The following DLGAP2 variants were observed in gnomAD, a reference collection of about 807,000 sequenced individuals.
DLGAP2 encodes the protein DLG associated protein 2.
DLGAP2 carries 26 observed loss-of-function variants against 100.3 expected under a neutral mutation model. The observed-to-expected ratio is 0.26, with a 90% CI of 0.19 to 0.36. The LOEUF (loss-of-function observed/expected upper bound fraction) is 0.36, where lower values mean the gene tolerates loss of function less well. Ranked by LOEUF, DLGAP2 falls within the 10% of genes least tolerant of loss-of-function variation. DLGAP2 has a pLI of 1.00. For synonymous variants in DLGAP2, 886 were observed against 630.1 expected (o/e 1.41, Z -6.08); for missense variants, 1,858 against 1,453.2 (o/e 1.28, Z -4.53).
chr8:1,279,425 G>A (rs558522932), intron 3 of DLGAP2, among the ~76,000 whole-genome samples: 39 of 152,318 alleles, frequency 2.6e-4, no homozygotes, highest in African/African-American at 7.7e-4. Flanking sequence ...ATGAAAGTTA[G>A]ATGTGTTCAA....
intron 2 of DLGAP2, among the ~76,000 whole-genome samples, chr8:1,127,906 T>C (rs2129048627): frequency 6.6e-6 from 1 of 152,352 alleles, no homozygotes; most frequent in South Asian, 2.1e-4. Context: ...CACTTTCCTA[T>C]TCCGGATCTT....
chr8:931,349 C>G (rs1470137315), intron 2 of DLGAP2, among the ~76,000 whole-genome samples: 1 of 152,238 alleles, frequency 6.6e-6, no homozygotes, highest in African/African-American at 2.4e-5. Flanking sequence ...AGGGGCGTTT[C>G]ACGCGAGGGT....
At position 1,235,562 on chromosome 8, in the gene DLGAP2, G is replaced by A. The variant is rs80115697; in HGVS notation, c.74-23289G>A. 9.2e-3 allele frequency among the ~76,000 whole-genome samples: 1,148 copies of A among 124,464 alleles called. 117 individuals carry two copies. The highest frequency in any genetic ancestry group is 0.038 in the South Asian group (135 of 3,580). The allele number at this position is 124,464 out of a possible 152,430, so 81.7% of individuals were successfully genotyped here. ...GTTCTCTCACATGGCGCCATGTCTAGTTCTCTCACATGGCACCATGTCTAG... is the reference window on the plus strand; with the variant it reads ...GTTCTCTCACATGGCGCCATGTCTAATTCTCTCACATGGCACCATGTCTAG... On this transcript the variant is annotated intron_variant, in intron 2 of 14. Coordinates refer to ENST00000637795, the MANE Select transcript of DLGAP2 (RefSeq NM_001346810.2).
At chr8:1,105,270 T>C (rs1804719225) in intron 2 of DLGAP2, among the ~76,000 whole-genome samples, 1 of 152,124 alleles carries the variant, frequency 6.6e-6, no homozygotes, top group Admixed American at 6.5e-5. Flanking sequence ...AAATGAAAAG[T>C]ATTCTGAAAG....
intron 2 of DLGAP2, among the ~76,000 whole-genome samples, chr8:1,153,788 A>G (rs1168779555): frequency 1.3e-5 from 2 of 152,164 alleles, no homozygotes; most frequent in African/African-American, 4.8e-5. Context: ...ACACAGCGTA[A>G]TGTTTTGCAG....
intron 3 of DLGAP2, among the ~76,000 whole-genome samples, chr8:1,303,406 A>T (rs1276396397): frequency 7.3e-5 from 2 of 27,378 alleles, no homozygotes. Context: ...CAAAAACAAA[A>T]AAAAAAAAAA....
intron 2 of DLGAP2, among the ~76,000 whole-genome samples, chr8:1,185,797 G>C (rs1463391838): frequency 2.0e-5 from 3 of 151,946 alleles, no homozygotes; most frequent in Admixed American, 6.6e-5. Flanking sequence ...ACCAAGGCTG[G>C]TGGAAGAACA....
intron 1 of DLGAP2, among the ~76,000 whole-genome samples, chr8:896,591 C>T (rs548874021): frequency 4.6e-5 from 7 of 152,094 alleles, no homozygotes; most frequent in Non-Finnish European, 1.0e-4. Flanking sequence ...GGGGCGATGA[C>T]GGCGAGGTGT....
At chr8:1,111,002 T>A (rs1404644159) in intron 2 of DLGAP2, among the ~76,000 whole-genome samples, 1 of 152,098 alleles carries the variant, frequency 6.6e-6, no homozygotes, top group East Asian at 1.9e-4. Flanking sequence ...CACGTGGGTT[T>A]GAGCAGCCTC....
intron 3 of DLGAP2, among the ~76,000 whole-genome samples, chr8:1,260,947 C>G (rs1007250297): frequency 9.2e-5 from 14 of 152,204 alleles, no homozygotes; most frequent in African/African-American, 3.4e-4. Context: ...AGGGTCACTT[C>G]CCCTGGGCAC....
intron 1 of DLGAP2, among the ~76,000 whole-genome samples, chr8:759,670 G>C (rs944875132): frequency 6.6e-6 from 1 of 152,170 alleles, no homozygotes; most frequent in African/African-American, 2.4e-5. Flanking sequence ...CCCCCAGGGC[G>C]GTTTCCCCAT....
intron 6 of DLGAP2, among the ~76,000 whole-genome samples, chr8:1,583,515 G>A (rs1038972076): frequency 6.6e-6 from 1 of 152,206 alleles, no homozygotes; most frequent in Admixed American, 6.5e-5. Flanking sequence ...TTGAGACCTT[G>A]CAGAGTCAGG....
chr8:1,212,121 C>T (rs531243655), intron 2 of DLGAP2, among the ~76,000 whole-genome samples: 19 of 152,246 alleles, frequency 1.2e-4, no homozygotes, highest in Admixed American at 4.6e-4. Flanking sequence ...CAGAGAATAT[C>T]GAATGTGCAG....
intron 13 of DLGAP2, among the ~76,000 whole-genome samples, chr8:1,693,552 A>G (rs139180646): frequency 5.1e-4 from 78 of 152,294 alleles, no homozygotes; most frequent in African/African-American, 1.8e-3. Context: ...TCGCGTAGCA[A>G]TGGTGCCAGG....
chr8:1,519,803 G>T (rs1441299134), intron 4 of DLGAP2, among the ~76,000 whole-genome samples: 1 of 152,272 alleles, frequency 6.6e-6, no homozygotes, highest in Admixed American at 6.5e-5. Context: ...TGTCACAGTG[G>T]GTTTTGTGCT....
At chr8:1,501,011 G>A (rs1207883980) in intron 3 of DLGAP2, among the ~76,000 whole-genome samples, 1 of 152,158 alleles carries the variant, frequency 6.6e-6, no homozygotes, top group Non-Finnish European at 1.5e-5. Context: ...AGGAACCGGG[G>A]AAAATTAGAG....
In DLGAP2 at chr8:1,501,391, G is replaced by C. The variant is rs1025355525; in HGVS notation, c.132G>C (p.Gln44His). 10 of 1,535,862 alleles carry C rather than the reference G, an allele frequency of 6.5e-6. No individual in the cohort carries two copies. Among genetic ancestry groups the C allele is most frequent in the Non-Finnish European group, 8.7e-6 (10 of 1,146,738 alleles). The stretch of plus-strand genomic sequence containing the variant: ...AGGAAGAAGCTGGAGACTTGGTCCA[G>C]CCGGGCATCAGCTTTCCGGGGCCGG... ...PEEEEAGDLV[Q>H]PGISFPGPAE... The change falls in exon 4 of 15, where the codon CAG (glutamine) becomes CAC (histidine). Residue 44 changes from glutamine to histidine, a missense_variant. Gln to His is a conservative substitution (Grantham distance 24). Transcript: ENST00000637795.
intron 2 of DLGAP2, among the ~76,000 whole-genome samples, chr8:1,120,602 G>C (rs1047852083): frequency 3.3e-5 from 5 of 150,232 alleles, no homozygotes; most frequent in African/African-American, 1.2e-4. Flanking sequence ...ACCCATCCTT[G>C]CCCATTAGGA....
chr8:954,598 A>G (rs1365839863), intron 2 of DLGAP2, among the ~76,000 whole-genome samples: 1 of 152,236 alleles, frequency 6.6e-6, no homozygotes, highest in African/African-American at 2.4e-5. Context: ...ATAGAGAATA[A>G]AAAGCAAGTC....
Sources: gnomAD v4.1 joint callset for allele counts (sites outside exome capture counted in the v4.1 genomes callset) on GRCh38, gnomAD v4.1.1 for gene constraint, MANE v1.5 for transcripts, NCBI Gene and HGNC (gene_info 2026-07-23, HGNC 2026-07-21) for gene names.